Variants in SORCS1 observed in about 807,000 individuals in gnomAD.
SORCS1 encodes VPS10 domain-containing receptor SorCS1.
In SORCS1, 60 loss-of-function variants were observed where a neutral mutation model predicts 146.1. The ratio of observed to expected loss-of-function variants is 0.41; its 90% CI spans 0.33 to 0.51. The LOEUF is 0.51. Among genes scored for constraint, SORCS1 ranks in the 20% least tolerant of loss-of-function variants. The probability of loss-of-function intolerance (pLI) is 0.21; values close to 1 mark genes in which losing one functional copy is unlikely to be tolerated. For missense variants in SORCS1, 1,352 were observed against 1,487.6 expected (o/e 0.91, Z 1.50); for synonymous variants, 637 against 584.0 (o/e 1.09, Z -1.31).
intron 2 of SORCS1, among the ~76,000 whole-genome samples, chr10:106,851,233 T>C (rs113466233): frequency 0.012 from 1,872 of 152,340 alleles, 37 homozygotes; most frequent in African/African-American, 0.043. Flanking sequence ...TTTTCATAGA[T>C]TGTGACTTTG....
chr10:106,658,149 T>A (rs1850447459), intron 17 of SORCS1, among the ~76,000 whole-genome samples: 1 of 152,136 alleles, frequency 6.6e-6, no homozygotes, highest in Admixed American at 6.5e-5. Flanking sequence ...AGTTCAGGTT[T>A]AAAGTAAAGA....
intron 16 of SORCS1, among the ~76,000 whole-genome samples, chr10:106,670,674 G>A (rs1473760938): frequency 6.6e-6 from 1 of 151,636 alleles, no homozygotes; most frequent in East Asian, 1.9e-4. Context: ...GCTGTTTGAA[G>A]CAGCACAGAA....
intron 1 of SORCS1, among the ~76,000 whole-genome samples, chr10:107,052,447 C>T (rs1960209841): frequency 1.3e-5 from 2 of 152,040 alleles, no homozygotes; most frequent in Non-Finnish European, 2.9e-5. Context: ...GGTATAATTA[C>T]CCAGGACAAC....
intron 1 of SORCS1, among the ~76,000 whole-genome samples, chr10:107,159,907 A>G (rs2134915298): frequency 6.6e-6 from 1 of 152,314 alleles, no homozygotes; most frequent in South Asian, 2.1e-4. Context: ...TGTGTCTATA[A>G]TATCAGATTT....
intron 19 of SORCS1, among the ~76,000 whole-genome samples, chr10:106,627,963 A>G (rs1184405313): frequency 6.6e-6 from 1 of 152,198 alleles, no homozygotes; most frequent in Non-Finnish European, 1.5e-5. Flanking sequence ...TTTTGTAAAT[A>G]GGGTTACTAA....
At chr10:106,655,296 A>C (rs1392099355) in intron 17 of SORCS1, among the ~76,000 whole-genome samples, 2 of 152,222 alleles carry the variant, frequency 1.3e-5, no homozygotes, top group Non-Finnish European at 2.9e-5. Flanking sequence ...TGGTACCAGC[A>C]ATAGTAGCAA....
chr10:106,624,085 G>A (rs1486585328), intron 19 of SORCS1, among the ~76,000 whole-genome samples: 3 of 152,024 alleles, frequency 2.0e-5, no homozygotes, highest in African/African-American at 7.2e-5. Flanking sequence ...GAGGAAGGAG[G>A]GTGCTGAATG....
chr10:106,721,569 G>A (rs772793195), intron 6 of SORCS1, among the ~76,000 whole-genome samples: 12 of 152,140 alleles, frequency 7.9e-5, no homozygotes, highest in Admixed American at 3.9e-4. Flanking sequence ...TCTCAGATGG[G>A]TTATATTTGA....
chr10:107,140,816 A>G (rs765973892), intron 1 of SORCS1, among the ~76,000 whole-genome samples: 2 of 152,210 alleles, frequency 1.3e-5, no homozygotes, highest in African/African-American at 4.8e-5. Context: ...GTAATACTCA[A>G]GTTAACCCTG....
intron 9 of SORCS1, among the ~76,000 whole-genome samples, chr10:106,688,638 G>A (rs1405811962): frequency 6.6e-6 from 1 of 152,128 alleles, no homozygotes; most frequent in East Asian, 1.9e-4. Flanking sequence ...AAATTCTCAT[G>A]GTTTCAGCTC....
At chr10:106,998,867 A>T (rs763545535) in intron 1 of SORCS1, among the ~76,000 whole-genome samples, 1 of 152,254 alleles carries the variant, frequency 6.6e-6, no homozygotes, top group Non-Finnish European at 1.5e-5. Context: ...AACAGTCTCT[A>T]GAGTAGAATC....
At chr10:106,665,426 T>G (rs1408021690) in intron 17 of SORCS1, among the ~76,000 whole-genome samples, 1 of 151,454 alleles carries the variant, frequency 6.6e-6, no homozygotes, top group Non-Finnish European at 1.5e-5. Flanking sequence ...TTTCCCTATG[T>G]TGTCCAGGGT....
At chr10:106,998,908 G>A (rs1048929532) in intron 1 of SORCS1, among the ~76,000 whole-genome samples, 4 of 152,192 alleles carry the variant, frequency 2.6e-5, no homozygotes, top group Non-Finnish European at 4.4e-5. Context: ...GAGCAATTAA[G>A]AAGTATGTCC....
chr10:107,149,177 T>C (rs1968568857), intron 1 of SORCS1, among the ~76,000 whole-genome samples: 1 of 152,188 alleles, frequency 6.6e-6, no homozygotes, highest in Admixed American at 6.5e-5. Flanking sequence ...TCCGCCCCAG[T>C]TTCATCCTTT....
intron 1 of SORCS1, among the ~76,000 whole-genome samples, chr10:107,156,372 G>A (rs1969282860): frequency 6.6e-6 from 1 of 152,146 alleles, no homozygotes; most frequent in African/African-American, 2.4e-5. Flanking sequence ...TTTAGAATGA[G>A]GATAACAGTA....
intron 8 of SORCS1, among the ~76,000 whole-genome samples, chr10:106,703,415 C>T (rs1009904547): frequency 2.0e-5 from 3 of 152,106 alleles, no homozygotes; most frequent in Non-Finnish European, 2.9e-5. Context: ...AAAGCACTTT[C>T]GTATGTATTG....
chr10:106,652,649 A>G, intron 17 of SORCS1, 96 bp from the exon 18 acceptor site: 2 of 1,363,414 alleles, frequency 1.5e-6, no homozygotes, highest in Non-Finnish European at 2.0e-6. Context: ...CCTGAGGACC[A>G]TCAGTAAGCA....
chr10:107,061,399 G>A (rs926185647), intron 1 of SORCS1, among the ~76,000 whole-genome samples: 4 of 152,106 alleles, frequency 2.6e-5, no homozygotes, highest in African/African-American at 9.7e-5. Flanking sequence ...TCTAGTAATA[G>A]TTTAAAAATT....
chr10:106,731,084 C>T (rs1178282401), intron 5 of SORCS1, among the ~76,000 whole-genome samples: 7 of 151,426 alleles, frequency 4.6e-5, no homozygotes, highest in East Asian at 2.0e-4. Context: ...CTGAGGTGGG[C>T]GGATCACAAG....
Sources: allele counts gnomAD v4.1 joint callset (sites outside exome capture counted in the v4.1 genomes callset), GRCh38; gene constraint gnomAD v4.1.1; transcripts MANE v1.5; gene names NCBI Gene and HGNC (gene_info 2026-07-23, HGNC 2026-07-21).